Variants in MFN2 observed in about 807,000 individuals in gnomAD.
MFN2 encodes mitofusin 2.
MFN2 carries 43 observed loss-of-function variants against 87.5 expected under a neutral mutation model. The observed-to-expected ratio is 0.49, with a 90% confidence interval of 0.38 to 0.63. MFN2 has a LOEUF of 0.63. Among genes scored for constraint, MFN2 ranks in the 30% least tolerant of loss-of-function variants. The probability of loss-of-function intolerance (pLI) is 0.00; values close to 1 mark genes in which losing one functional copy is unlikely to be tolerated. For missense variants in MFN2, 743 were observed against 972.8 expected (o/e 0.76, Z 3.14); for synonymous variants, 337 against 359.9 (o/e 0.94, Z 0.72).
At chr1:11,991,797 G>A (rs1259989403) in intron 3 of MFN2, among the ~76,000 whole-genome samples, 1 of 149,568 alleles carries the variant, frequency 6.7e-6, no homozygotes, top group Non-Finnish European at 1.5e-5. Flanking sequence ...AGTGGCGGGC[G>A]CCTGTAGTCC....
rs748838916 is a variant in MFN2, at chr1:12,001,516, A to G, written c.932A>G (p.Asn311Ser). The G allele has an allele frequency of 3.1e-6, 5 of 1,614,088 alleles. No individual in the cohort carries two copies. Among genetic ancestry groups the G allele is most frequent in the Middle Eastern group, 1.6e-4 (1 of 6,082 alleles). Residue 311 changes from asparagine (N) to serine (S), a missense_variant, in exon 9 of 19, where the codon AAC (asparagine) becomes AGC (serine). By Grantham distance (46) the Asn-to-Ser change is conservative. Transcript: ENST00000235329. ...IFFVSAKEVL[N>S]ARIQKAQGMP... ...TTTGTGTCTGCTAAGGAGGTGCTCA[A>G]CGCCAGGATTCAGAAAGCCCAGGGC...
intron 3 of MFN2, chr1:11,992,263 C>T: frequency 2.2e-6 from 1 of 454,068 alleles, no homozygotes; most frequent in Non-Finnish European, 4.0e-6. Context: ...GTAGTTATCT[C>T]CGTTTTGTGC....
intron 6 of MFN2, among the ~76,000 whole-genome samples, chr1:11,998,029 G>A (rs540967057): frequency 1.2e-3 from 186 of 151,166 alleles, no homozygotes; most frequent in African/African-American, 4.3e-3. Context: ...GATTACAGGT[G>A]CCCGCCACCA....
At chr1:11,980,620 C>A in intron 1 of MFN2, 136 bp downstream of exon 1, 1 of 396,202 alleles carries the variant, frequency 2.5e-6, no homozygotes, top group South Asian at 1.4e-4. Context: ...CCCCACTCTC[C>A]GGCCTCGCCG....
Position 12,011,717 on chromosome 1 carries a change from C to G in MFN2, c.*152C>G, listed in dbSNP as rs1639707655. The G allele has an allele frequency of 3.9e-6, 3 of 764,862 alleles. No individual in the cohort carries two copies. The highest frequency in any genetic ancestry group is 6.5e-6 in the Non-Finnish European group (3 of 459,620). The allele number at this position is 764,862 out of a possible 1,614,324, so 47.4% of individuals were successfully genotyped here. A position where few individuals can be genotyped will look rare whatever the true frequency, so the allele number is the denominator to read the frequency against. On this transcript the variant is annotated 3_prime_UTR_variant, in exon 19 of 19. Coordinates refer to ENST00000235329, the MANE Select transcript of MFN2 (RefSeq NM_014874.4). ...TCTCGTACCATTTTGAGCCCTCCAGCACTACTTATTTTCCCCCACCTTTGC... is the reference window on the plus strand; with the variant it reads ...TCTCGTACCATTTTGAGCCCTCCAGGACTACTTATTTTCCCCCACCTTTGC...
rs749738369 is a variant in MFN2, at chr1:12,006,498, C to G, written c.1717-40C>G. 3.7e-6 allele frequency: 6 copies of G among 1,611,562 alleles called. No homozygotes were observed. In the Admixed American group the frequency reaches 8.3e-5, roughly 22 times the overall value. The stretch of plus-strand genomic sequence containing the variant: ...TGAGGGTTCACGTGAATGAGAGACT[C>G]AATACGTCCCCCTCACCCCTCTCAT... On this transcript the variant is annotated intron_variant, in intron 15 of 18. Coordinates refer to ENST00000235329, the MANE Select transcript of MFN2 (RefSeq NM_014874.4).
chr1:12,008,430 C>T (rs1639526304), intron 17 of MFN2, among the ~76,000 whole-genome samples: 4 of 141,552 alleles, frequency 2.8e-5, no homozygotes, highest in Admixed American at 2.7e-4. Context: ...CTGACCCCCC[C>T]CACCTCCCTC....
chr1:11,980,715 C>T (rs115036878), intron 1 of MFN2, among the ~76,000 whole-genome samples: 2,954 of 152,320 alleles, frequency 0.019, 47 homozygotes, highest in African/African-American at 0.058. Context: ...TTCTCATCGC[C>T]CCCGCCTTTC....
rs560984511 is a variant in MFN2 at position 11,989,654 on chromosome 1, G to GT, written c.175+312dup. Among the ~76,000 whole-genome samples the GT allele has an allele frequency of 9.8e-5, 15 of 152,312 alleles. No individual in the cohort carries two copies. The East Asian group carries it at 2.9e-3, about 29-fold the overall frequency. On this transcript the variant is annotated intron_variant, in intron 3 of 18. Coordinates refer to ENST00000235329, the MANE Select transcript of MFN2 (RefSeq NM_014874.4). ...AGGTTTGAGAGTTGTCCGATACCTTGTAAGTAATAGATCAGGGTTTTACCC... is the reference window on the plus strand; with the variant it reads ...AGGTTTGAGAGTTGTCCGATACCTTGTTAAGTAATAGATCAGGGTTTTACCC...
intron 18 of MFN2, among the ~76,000 whole-genome samples, chr1:12,010,493 C>T (rs1011016820): frequency 4.6e-5 from 7 of 152,188 alleles, no homozygotes; most frequent in Non-Finnish European, 1.0e-4. Flanking sequence ...CCTTACCTGC[C>T]ACTCTTTGGA....
intron 3 of MFN2, among the ~76,000 whole-genome samples, chr1:11,991,993 A>T (rs2100810996): frequency 6.8e-6 from 1 of 147,010 alleles, no homozygotes; most frequent in Non-Finnish European, 1.5e-5. Context: ...CTCCAGAGCC[A>T]GGCTGCCTAA....
In MFN2 at chr1:12,004,777, G is replaced by A. The variant is rs1258001294; in HGVS notation, c.1393-48G>A. ...GTCACCTGGTGGATGTGGCCTGAAG[G>A]GAATTTTGATGGACATGCTTCTCTT... On this transcript the variant is annotated intron_variant, in intron 13 of 18. Transcript: ENST00000235329. The surrounding 1 kb of genome is among the most constrained non-coding windows in gnomAD (Gnocchi z 4.2). The A allele has an allele frequency of 6.3e-7, 1 of 1,586,564 alleles. No individual in the cohort carries two copies. Among genetic ancestry groups the A allele is most frequent in the Non-Finnish European group, 8.6e-7 (1 of 1,156,684 alleles).
intron 7 of MFN2, 49 bp downstream of exon 7, chr1:11,998,927 G>T: frequency 6.2e-7 from 1 of 1,611,834 alleles, no homozygotes; most frequent in Non-Finnish European, 8.5e-7. Flanking sequence ...CCCTGGGCAG[G>T]CAGCTGATGG....
chr1:12,002,031 T>G lies in MFN2; in HGVS notation c.1088T>G (p.Val363Gly), dbSNP rs774895136. The G allele has an allele frequency of 6.2e-7, 1 of 1,614,136 alleles. No homozygotes were observed. Among genetic ancestry groups the G allele is most frequent in the South Asian group, 1.1e-5 (1 of 91,074 alleles). ...AVKTKFEQHT[V>G]RAKQIAEAVR... ...AAGACCAAGTTTGAGCAGCACACGGTCCGGGCCAAGCAGATTGCAGAGGCG... is the reference window on the plus strand; with the variant it reads ...AAGACCAAGTTTGAGCAGCACACGGGCCGGGCCAAGCAGATTGCAGAGGCG... The change falls in exon 11 of 19, where the codon GTC (valine) becomes GGC (glycine). Residue 363 changes from valine to glycine, a missense_variant. Transcript: ENST00000235329.
chr1:11,986,701 G>A (rs149026826), intron 2 of MFN2, among the ~76,000 whole-genome samples: 3,502 of 150,148 alleles, frequency 0.023, 128 homozygotes, highest in African/African-American at 0.081. Context: ...AGCAATTCTC[G>A]TGCCTCAGCC....
intron 4 of MFN2, among the ~76,000 whole-genome samples, chr1:11,995,642 T>TA (rs796776648): frequency 0.026 from 3,720 of 141,458 alleles, 139 homozygotes; most frequent in African/African-American, 0.089. Context: ...CAAATAACAA[T>TA]AAAAAAAAAA....
chr1:11,983,262 G>T (rs1646018220), intron 2 of MFN2, among the ~76,000 whole-genome samples: 1 of 152,118 alleles, frequency 6.6e-6, no homozygotes, highest in Non-Finnish European at 1.5e-5. Flanking sequence ...TAGTAGAGAT[G>T]GGGTTTCACC....
In MFN2 at chr1:12,012,139, TG is replaced by T. The variant is rs1007735902; in HGVS notation, c.*577del. The stretch of plus-strand genomic sequence containing the variant: ...CTTGGTGGTGAGGCTCAGTTACCCC[TG>T]GGCTTAGGCTGAGGCGGGCCCTGTG... On this transcript the variant is annotated 3_prime_UTR_variant, in exon 19 of 19. Coordinates refer to ENST00000235329, the MANE Select transcript of MFN2 (RefSeq NM_014874.4). The T allele has an allele frequency of 1.3e-4, 21 of 162,882 alleles. No homozygotes were observed. Among genetic ancestry groups the T allele is most frequent in the Non-Finnish European group, 2.0e-4 (15 of 73,608 alleles). The allele number at this position is 162,882 out of a possible 1,614,324, so 10.1% of individuals were successfully genotyped here. A position where few individuals can be genotyped will look rare whatever the true frequency, so the allele number is the denominator to read the frequency against.
chr1:11,986,060 T>C (rs532413376), intron 2 of MFN2, among the ~76,000 whole-genome samples: 137 of 152,290 alleles, frequency 9.0e-4, no homozygotes, highest in African/African-American at 3.1e-3. Context: ...TTCCCTTGTC[T>C]CCAGAGGAAT....
Sources: allele counts gnomAD v4.1 joint callset (sites outside exome capture counted in the v4.1 genomes callset), GRCh38; gene constraint gnomAD v4.1.1; non-coding constraint Gnocchi (gnomAD v3.1); transcripts MANE v1.5; gene names NCBI Gene and HGNC (gene_info 2026-07-23, HGNC 2026-07-21).